SGPP2: variants seen among roughly 807,000 people sequenced by gnomAD.
SGPP2 encodes sphingosine-1-phosphate phosphatase 2, also known as sphingosine 1-phosphate phosphohydrolase 2.
Under a neutral mutation model 33.9 loss-of-function variants are expected in SGPP2, and 30 were observed. That is an observed-to-expected ratio of 0.89 (90% CI 0.66 to 1.20). The LOEUF (loss-of-function observed/expected upper bound fraction) is 1.20. Ranked by LOEUF, SGPP2 falls within the 50% of genes most tolerant of loss-of-function variation. SGPP2 has a pLI of 0.00. For missense variants in SGPP2, 458 were observed against 532.1 expected, an observed-to-expected ratio of 0.86 and a Z score of 1.37; for synonymous variants, 233 against 225.0, an observed-to-expected ratio of 1.04 and a Z score of -0.32.
chr2:222,424,907 C>A (rs1697037701), intron 1 of SGPP2, 86 bp downstream of exon 1: 1 of 1,130,504 alleles, frequency 8.8e-7, no homozygotes, highest in Non-Finnish European at 1.1e-6. Flanking sequence ...GCGGGGCCGG[C>A]CGGGCCGAGA....
intron 2 of SGPP2, among the ~76,000 whole-genome samples, chr2:222,485,770 C>T (rs1698096720): frequency 1.3e-5 from 2 of 152,172 alleles, no homozygotes; most frequent in Admixed American, 6.5e-5. Context: ...AAGGAGCCTC[C>T]AACTCCTCAC....
intron 1 of SGPP2, among the ~76,000 whole-genome samples, chr2:222,455,935 C>T (rs1443929937): frequency 2.6e-5 from 4 of 152,028 alleles, no homozygotes; most frequent in Non-Finnish European, 2.9e-5. Context: ...AAATATTCCC[C>T]GGGTGTGGTG....
chr2:222,481,707 C>G (rs1208473718), intron 2 of SGPP2, among the ~76,000 whole-genome samples: 1 of 152,116 alleles, frequency 6.6e-6, no homozygotes, highest in African/African-American at 2.4e-5. Context: ...CTTAATGTTT[C>G]TGGTGTGTAG....
chr2:222,439,923 G>A (rs1426826301), intron 1 of SGPP2, among the ~76,000 whole-genome samples: 2 of 152,196 alleles, frequency 1.3e-5, no homozygotes, highest in Admixed American at 6.5e-5. Flanking sequence ...TGGTCTTGCT[G>A]TTGGGTATAA....
chr2:222,475,444 A>G (rs1186007844), intron 2 of SGPP2, among the ~76,000 whole-genome samples: 1 of 152,202 alleles, frequency 6.6e-6, no homozygotes, highest in Non-Finnish European at 1.5e-5. Flanking sequence ...ATAGAGTGGT[A>G]TGAAATGCAT....
intron 4 of SGPP2, among the ~76,000 whole-genome samples, chr2:222,528,742 G>A (rs1002629229): frequency 2.0e-5 from 3 of 151,934 alleles, no homozygotes; most frequent in Admixed American, 6.6e-5. Flanking sequence ...TCGGCCTCCC[G>A]AGTAGCTGGG....
intron 2 of SGPP2, among the ~76,000 whole-genome samples, chr2:222,506,213 G>T (rs1199154798): frequency 2.0e-5 from 3 of 152,154 alleles, no homozygotes; most frequent in Admixed American, 2.0e-4. Flanking sequence ...GTCTCTCCAG[G>T]AAATTACATC....
At chr2:222,453,175 G>A in intron 1 of SGPP2, 1 of 781,802 alleles carries the variant, frequency 1.3e-6, no homozygotes, top group South Asian at 1.3e-5. Flanking sequence ...ATCTCAGCAG[G>A]AGACATTTGC....
chr2:222,475,336 G>A (rs1023548845), intron 2 of SGPP2, among the ~76,000 whole-genome samples: 1 of 152,144 alleles, frequency 6.6e-6, no homozygotes, highest in Non-Finnish European at 1.5e-5. Context: ...CCAAATCTGT[G>A]ATTTTGTGTA....
rs904013138 is a variant in SGPP2, at chr2:222,476,708, CTG to C, written c.378+1984_378+1985del. Among the ~76,000 whole-genome samples the C allele has an allele frequency of 6.8e-6, 1 of 147,018 alleles. No homozygotes were observed. The highest frequency in any genetic ancestry group is 2.5e-5 in the African/African-American group (1 of 40,192). The stretch of plus-strand genomic sequence containing the variant: ...GTGTGTGTGCGTGTGTAAGGTATAA[CTG>C]TATATATATGTATGTGTGTATATAG... On this transcript the variant is annotated intron_variant, in intron 2 of 4. Coordinates refer to ENST00000321276, the MANE Select transcript of SGPP2 (RefSeq NM_152386.4). The surrounding 1 kb of genome is among the most constrained non-coding windows in gnomAD (Gnocchi z 4.3).
chr2:222,548,231 C>T (rs1689235203), intron 4 of SGPP2, among the ~76,000 whole-genome samples: 2 of 152,162 alleles, frequency 1.3e-5, no homozygotes, highest in South Asian at 2.1e-4. Flanking sequence ...TGGCCTTTGC[C>T]CCCATATGAC....
chr2:222,487,241 C>T lies in SGPP2; in HGVS notation c.378+12515C>T, dbSNP rs186947937. Among the ~76,000 whole-genome samples the T allele has an allele frequency of 9.2e-5, 14 of 152,276 alleles. No homozygotes were observed. The East Asian group carries it at 2.5e-3, about 27-fold the overall frequency. ...AATCCAAGTGAAAATTGCTCAGCCT[C>T]TATTTATTTTACCTAGCCCATGTTT... On this transcript the variant is annotated intron_variant, in intron 2 of 4. Coordinates refer to ENST00000321276, the MANE Select transcript of SGPP2 (RefSeq NM_152386.4).
intron 2 of SGPP2, among the ~76,000 whole-genome samples, chr2:222,503,001 G>C (rs1321605144): frequency 6.6e-6 from 1 of 152,204 alleles, no homozygotes; most frequent in Admixed American, 6.5e-5. Context: ...GTTAAGTAAT[G>C]TATAACTGGT....
At chr2:222,447,317 A>C (rs1220938972) in intron 1 of SGPP2, among the ~76,000 whole-genome samples, 1 of 152,180 alleles carries the variant, frequency 6.6e-6, no homozygotes, top group African/African-American at 2.4e-5. Flanking sequence ...ATTGCAAATG[A>C]GGTTGGGAAA....
At chr2:222,506,017 C>T (rs573737137) in intron 2 of SGPP2, among the ~76,000 whole-genome samples, 16 of 151,348 alleles carry the variant, frequency 1.1e-4, no homozygotes, top group Admixed American at 3.3e-4. Flanking sequence ...ACGCCAGTCA[C>T]AGTTTAGGGA....
intron 2 of SGPP2, among the ~76,000 whole-genome samples, chr2:222,503,694 G>A (rs566772738): frequency 7.2e-5 from 11 of 152,290 alleles, no homozygotes; most frequent in Admixed American, 6.5e-5. Flanking sequence ...GGCAGCAATG[G>A]TATTCAACAA....
Position 222,494,585 on chromosome 2 carries a change from C to T in SGPP2, c.378+19859C>T, listed in dbSNP as rs189603373. ...GTGTTCACATGAGACATGCCGAGGG[C>T]GCCAGCTTGGCCCTGCGTGTGCAGT... is the stretch of plus-strand genomic sequence containing the variant. On this transcript the variant is annotated intron_variant, in intron 2 of 4. Coordinates refer to ENST00000321276, the MANE Select transcript of SGPP2 (RefSeq NM_152386.4). Among the ~76,000 whole-genome samples the T allele has an allele frequency of 1.3e-3, 192 of 152,356 alleles. 3 individuals are homozygous for T. Among genetic ancestry groups the T allele is most frequent in the Admixed American group, 3.4e-3 (52 of 15,310 alleles).
intron 1 of SGPP2, among the ~76,000 whole-genome samples, chr2:222,435,540 A>G (rs1697226837): frequency 6.6e-6 from 1 of 152,146 alleles, no homozygotes; most frequent in African/African-American, 2.4e-5. Context: ...TAATCTTCAT[A>G]TACAGATAAC....
intron 4 of SGPP2, among the ~76,000 whole-genome samples, chr2:222,527,732 C>G (rs1487883262): frequency 6.6e-6 from 1 of 152,212 alleles, no homozygotes; most frequent in Non-Finnish European, 1.5e-5. Flanking sequence ...GACCCTGACT[C>G]AGGCTTAGGC....
Sources: allele counts gnomAD v4.1 joint callset (sites outside exome capture counted in the v4.1 genomes callset), GRCh38; gene constraint gnomAD v4.1.1; non-coding constraint Gnocchi (gnomAD v3.1); transcripts MANE v1.5; gene names NCBI Gene and HGNC (gene_info 2026-07-23, HGNC 2026-07-21).